Variants in FHIT observed in about 807,000 individuals in gnomAD.
The protein encoded by FHIT is bis(5'-adenosyl)-triphosphatase.
Under a neutral mutation model 17.9 loss-of-function variants are expected in FHIT, and 19 were observed. The observed-to-expected ratio is 1.06, with a 90% confidence interval of 0.74 to 1.56. The LOEUF (loss-of-function observed/expected upper bound fraction) is 1.56, where lower values mean the gene tolerates loss of function less well. Ranked by LOEUF, FHIT falls within the 40% of genes most tolerant of loss-of-function variation. FHIT has a pLI of 0.00. For synonymous variants in FHIT, 81 were observed against 69.7 expected (o/e 1.16, Z -0.81); for missense variants, 248 against 189.2 (o/e 1.31, Z -1.82).
At chr3:60,445,387 A>C (rs546148204) in intron 5 of FHIT, among the ~76,000 whole-genome samples, 1 of 152,164 alleles carries the variant, frequency 6.6e-6, no homozygotes, top group Non-Finnish European at 1.5e-5. Context: ...TAGCTTTAAG[A>C]AGCAATTATG....
At chr3:60,183,727 C>A (rs1238174117) in intron 5 of FHIT, among the ~76,000 whole-genome samples, 1 of 152,150 alleles carries the variant, frequency 6.6e-6, no homozygotes, top group African/African-American at 2.4e-5. Context: ...CCAAGACCAA[C>A]TGTGTCCAAT....
intron 5 of FHIT, among the ~76,000 whole-genome samples, chr3:60,489,077 T>G (rs1386709875): frequency 6.6e-6 from 1 of 152,196 alleles, no homozygotes; most frequent in Non-Finnish European, 1.5e-5. Context: ...TGCTAAAAAG[T>G]AGACATTTTG....
intron 5 of FHIT, among the ~76,000 whole-genome samples, chr3:60,262,609 C>G (rs1199882794): frequency 6.6e-6 from 1 of 151,900 alleles, no homozygotes; most frequent in Non-Finnish European, 1.5e-5. Flanking sequence ...AGACCCAACC[C>G]TTTTTACCTC....
intron 5 of FHIT, among the ~76,000 whole-genome samples, chr3:60,526,161 C>CACACACACACACAA (rs2035568061): frequency 6.6e-6 from 1 of 151,656 alleles, no homozygotes; most frequent in African/African-American, 2.4e-5. Context: ...CACACACACA[C>CACACACACACACAA]ACAAACAGGT....
At chr3:60,129,234 G>C (rs1388598462) in intron 5 of FHIT, among the ~76,000 whole-genome samples, 2 of 151,766 alleles carry the variant, frequency 1.3e-5, no homozygotes, top group African/African-American at 4.8e-5. Flanking sequence ...TGTCTTTTTA[G>C]TAGAGGTGGG....
At chr3:60,782,233 G>GTATATATATATATATATATATATATA (rs775581148) in intron 4 of FHIT, among the ~76,000 whole-genome samples, 154 of 132,960 alleles carry the variant, frequency 1.2e-3, no homozygotes, top group African/African-American at 2.8e-3. Context: ...GTGTGTGTGT[G>GTATATATATATATATATATATATATA]TGTGTATATA....
intron 5 of FHIT, among the ~76,000 whole-genome samples, chr3:60,355,672 C>G (rs1699622821): frequency 6.6e-6 from 1 of 152,110 alleles, no homozygotes. Context: ...ACAAATAGAA[C>G]AAATTACTTC....
chr3:61,040,729 G>C (rs2033466591), intron 3 of FHIT, among the ~76,000 whole-genome samples: 2 of 152,186 alleles, frequency 1.3e-5, no homozygotes, highest in African/African-American at 4.8e-5. Flanking sequence ...ATGGGTATAT[G>C]CTAGCAGAAG....
chr3:60,631,849 G>T (rs534570237), intron 4 of FHIT, among the ~76,000 whole-genome samples: 2 of 152,190 alleles, frequency 1.3e-5, no homozygotes, highest in South Asian at 4.2e-4. Flanking sequence ...AAATCACTTT[G>T]GGTAACACAG....
chr3:60,699,945 G>C (rs1044429563), intron 4 of FHIT, among the ~76,000 whole-genome samples: 1 of 151,914 alleles, frequency 6.6e-6, no homozygotes, highest in African/African-American at 2.4e-5. Flanking sequence ...TGGAGTTCAA[G>C]ACCAGCCTGG....
intron 5 of FHIT, among the ~76,000 whole-genome samples, chr3:60,073,592 C>A (rs1702876884): frequency 6.6e-6 from 1 of 152,080 alleles, no homozygotes; most frequent in Non-Finnish European, 1.5e-5. Flanking sequence ...GCTTCTCTAA[C>A]CCCTCATCGT....
chr3:61,045,596 C>T (rs1342968958), intron 2 of FHIT, among the ~76,000 whole-genome samples: 1 of 152,158 alleles, frequency 6.6e-6, no homozygotes, highest in Admixed American at 6.5e-5. Flanking sequence ...AGAAAGTTAA[C>T]AAGGATATCC....
intron 4 of FHIT, among the ~76,000 whole-genome samples, chr3:60,594,973 AC>A (rs1369623592): frequency 6.6e-6 from 1 of 151,824 alleles, no homozygotes; most frequent in Non-Finnish European, 1.5e-5. Flanking sequence ...TTCTTCCTGG[AC>A]CTTTTGTTTC....
chr3:60,058,937 G>A (rs775826096), intron 5 of FHIT, among the ~76,000 whole-genome samples: 1 of 152,172 alleles, frequency 6.6e-6, no homozygotes, highest in Non-Finnish European at 1.5e-5. Context: ...GTATTCAGAG[G>A]CCATGATGGT....
intron 3 of FHIT, among the ~76,000 whole-genome samples, chr3:60,950,041 A>G (rs1480056213): frequency 1.3e-5 from 2 of 152,236 alleles, no homozygotes; most frequent in Non-Finnish European, 2.9e-5. Context: ...CCTACTGCTT[A>G]GTGACGTTGT....
intron 4 of FHIT, among the ~76,000 whole-genome samples, chr3:60,683,051 A>T (rs1381643528): frequency 1.3e-5 from 2 of 152,184 alleles, no homozygotes; most frequent in Non-Finnish European, 2.9e-5. Flanking sequence ...TGAAGATGTG[A>T]CTGAATTACT....
chr3:60,321,464 G>C (rs1459100492), intron 5 of FHIT, among the ~76,000 whole-genome samples: 1 of 150,538 alleles, frequency 6.6e-6, no homozygotes, highest in East Asian at 1.9e-4. Flanking sequence ...GACAGATCAA[G>C]ACTAGGTCTC....
At chr3:59,829,382 C>G (rs997953240) in intron 8 of FHIT, among the ~76,000 whole-genome samples, 1 of 152,180 alleles carries the variant, frequency 6.6e-6, no homozygotes, top group African/African-American at 2.4e-5. Flanking sequence ...ATTCTCATAT[C>G]TCTGCACCAG....
intron 3 of FHIT, among the ~76,000 whole-genome samples, chr3:61,012,448 C>A (rs563072478): frequency 2.0e-5 from 3 of 151,898 alleles, no homozygotes; most frequent in African/African-American, 7.2e-5. Context: ...ATAAAACTGG[C>A]AAGAAGTTTT....
Sources: gnomAD v4.1 joint callset for allele counts (sites outside exome capture counted in the v4.1 genomes callset) on GRCh38, gnomAD v4.1.1 for gene constraint, MANE v1.5 for transcripts, NCBI Gene and HGNC (gene_info 2026-07-23, HGNC 2026-07-21) for gene names.